The following LOXHD1 variants were observed in gnomAD, a reference collection of about 807,000 sequenced individuals.
LOXHD1 encodes lipoxygenase homology domain-containing protein 1.
LOXHD1 carries 205 observed loss-of-function variants against 248.2 expected under a neutral mutation model. The ratio of observed to expected loss-of-function variants is 0.83; its 90% CI spans 0.74 to 0.93. LOXHD1 has a LOEUF of 0.93. LOXHD1 is among the 40% of genes least tolerant of loss of function. The probability of loss-of-function intolerance (pLI) is 0.00; values close to 1 mark genes in which losing one functional copy is unlikely to be tolerated. For synonymous variants in LOXHD1, 1,113 were observed against 1,162.8 expected, an observed-to-expected ratio of 0.96 and a Z score of 0.87; for missense variants, 2,930 against 2,971.6, an observed-to-expected ratio of 0.99 and a Z score of 0.33.
chr18:46,620,924 C>G (rs7232709), intron 4 of LOXHD1, among the ~76,000 whole-genome samples: 44,363 of 151,994 alleles, frequency 0.29, 6,833 homozygotes, highest in East Asian at 0.54. Flanking sequence ...CATGCTCTGG[C>G]AAAGTCTGGA....
chr18:46,574,090 G>A (rs1165942472), intron 14 of LOXHD1, among the ~76,000 whole-genome samples: 1 of 152,230 alleles, frequency 6.6e-6, no homozygotes, highest in African/African-American at 2.4e-5. Flanking sequence ...GGGCAGTGAA[G>A]TGTGGAGAGT....
chr18:46,479,590 G>A (rs1020024518), intron 40 of LOXHD1, among the ~76,000 whole-genome samples: 1 of 152,004 alleles, frequency 6.6e-6, no homozygotes, highest in African/African-American at 2.4e-5. Flanking sequence ...GGCGAAGCTG[G>A]AGGTTTGGAC....
At chr18:46,562,232 C>G (rs1474610394) in intron 18 of LOXHD1, among the ~76,000 whole-genome samples, 1 of 152,218 alleles carries the variant, frequency 6.6e-6, no homozygotes, top group African/African-American at 2.4e-5. Context: ...ACTTATGACT[C>G]TGGCCCAGGT....
At chr18:46,568,747 T>G (rs2144076808) in intron 16 of LOXHD1, among the ~76,000 whole-genome samples, 1 of 152,302 alleles carries the variant, frequency 6.6e-6, no homozygotes, top group South Asian at 2.1e-4. Flanking sequence ...TCATCCTCCC[T>G]TTAAAGAGGT....
intron 38 of LOXHD1, among the ~76,000 whole-genome samples, chr18:46,485,766 A>C (rs2032997487): frequency 6.6e-6 from 1 of 152,172 alleles, no homozygotes; most frequent in Non-Finnish European, 1.5e-5. Context: ...AGAATGTGAT[A>C]GATAACCCTG....
intron 34 of LOXHD1, among the ~76,000 whole-genome samples, chr18:46,511,534 T>C (rs528747096): frequency 6.6e-6 from 1 of 152,294 alleles, no homozygotes; most frequent in East Asian, 1.9e-4. Context: ...AGGCTGTCCT[T>C]AGGGAGGGCC....
chr18:46,620,570 T>C (rs1196881569), intron 4 of LOXHD1, among the ~76,000 whole-genome samples: 1 of 152,182 alleles, frequency 6.6e-6, no homozygotes, highest in Non-Finnish European at 1.5e-5. Context: ...AAGGAAAGAT[T>C]TTGTAGTATC....
In LOXHD1 at chr18:46,657,181, G is replaced by T; in HGVS notation, c.-148C>A. The T allele has an allele frequency of 7.7e-7, 1 of 1,297,674 alleles. No homozygotes were observed. Among genetic ancestry groups the T allele is most frequent in the Non-Finnish European group, 1.0e-6 (1 of 953,566 alleles). The allele number at this position is 1,297,674 out of a possible 1,614,324, so 80.4% of individuals were successfully genotyped here. A position where few individuals can be genotyped will look rare whatever the true frequency, so the allele number is the denominator to read the frequency against. The stretch of plus-strand genomic sequence containing the variant: ...TGGGCCAGAGTGCCCCGTTTTCTTG[G>T]CTTCCCCGTGCCCAAGGTGCTGTTC... On this transcript the variant is annotated 5_prime_UTR_variant, in exon 1 of 41. Transcript: ENST00000642948.
At chr18:46,529,033 G>T in intron 29 of LOXHD1, 144 bp downstream of exon 29, 1 of 984,004 alleles carries the variant, frequency 1.0e-6, no homozygotes, top group Non-Finnish European at 1.5e-6. Flanking sequence ...ACTTGCAAGG[G>T]AAGGGCAAGG....
intron 34 of LOXHD1, among the ~76,000 whole-genome samples, chr18:46,514,139 G>A (rs1365435364): frequency 6.6e-6 from 1 of 152,182 alleles, no homozygotes; most frequent in African/African-American, 2.4e-5. Context: ...GTAGAACAAG[G>A]TCAAATCTTA....
intron 19 of LOXHD1, 35 bp downstream of exon 19, chr18:46,560,048 T>TGC: frequency 6.5e-6 from 8 of 1,226,294 alleles, no homozygotes; most frequent in South Asian, 2.9e-5. Context: ...GTCTGGCCAC[T>TGC]CCCTCCCCAC....
At chr18:46,636,526 C>T (rs1457690362) in intron 4 of LOXHD1, among the ~76,000 whole-genome samples, 1 of 152,210 alleles carries the variant, frequency 6.6e-6, no homozygotes, top group Non-Finnish European at 1.5e-5. Flanking sequence ...ACCTCCCTTC[C>T]CTGAAGAGCA....
chr18:46,522,632 T>C (rs1049997000), intron 31 of LOXHD1, among the ~76,000 whole-genome samples: 8 of 152,304 alleles, frequency 5.3e-5, no homozygotes, highest in Admixed American at 5.2e-4. Context: ...GTAAGAAAAA[T>C]AACCTCTCAC....
At chr18:46,509,598 G>A (rs2034819832) in intron 35 of LOXHD1, 100 bp downstream of exon 35, 1 of 850,014 alleles carries the variant, frequency 1.2e-6, no homozygotes, top group African/African-American at 1.7e-5. Flanking sequence ...ATCCTCTACA[G>A]TGACATTTGT....
chr18:46,521,373 C>A, intron 32 of LOXHD1, 91 bp from the exon 33 acceptor site: 1 of 1,424,238 alleles, frequency 7.0e-7, no homozygotes, highest in South Asian at 1.2e-5. Flanking sequence ...TGCTTCTTCC[C>A]AGTATGCTGT....
At position 46,515,972 on chromosome 18, in the gene LOXHD1, C is replaced by A. The variant is rs2035228367; in HGVS notation, c.5399+2157G>T. Among the ~76,000 whole-genome samples the A allele has an allele frequency of 2.0e-5, 3 of 152,196 alleles. No homozygotes were observed. The South Asian group carries it at 6.2e-4, about 32-fold the overall frequency. The stretch of plus-strand genomic sequence containing the variant: ...ACGTATGAAATCCCGATTCTGGCTA[C>A]CCTACCTCCAGCTTTACCACACCAA... On this transcript the variant is annotated intron_variant, in intron 34 of 40. Coordinates refer to ENST00000642948, the MANE Select transcript of LOXHD1 (RefSeq NM_001384474.1).
intron 4 of LOXHD1, among the ~76,000 whole-genome samples, chr18:46,628,449 C>A (rs2038775405): frequency 6.6e-6 from 1 of 152,172 alleles, no homozygotes; most frequent in Non-Finnish European, 1.5e-5. Flanking sequence ...CCAAGCAGCA[C>A]CCACAGCAAA....
intron 8 of LOXHD1, among the ~76,000 whole-genome samples, chr18:46,600,978 G>C (rs1437540634): frequency 6.6e-6 from 1 of 152,242 alleles, no homozygotes; most frequent in South Asian, 2.1e-4. Flanking sequence ...CCAACTGAGC[G>C]CCTCTGGGTA....
chr18:46,504,224 G>A (rs920217360), intron 37 of LOXHD1, among the ~76,000 whole-genome samples: 2 of 151,994 alleles, frequency 1.3e-5, no homozygotes, highest in Admixed American at 1.3e-4. Context: ...TCTCATCTCA[G>A]CCTCCTCAGT....
Sources: allele counts gnomAD v4.1 joint callset (sites outside exome capture counted in the v4.1 genomes callset), GRCh38; gene constraint gnomAD v4.1.1; transcripts MANE v1.5; gene names NCBI Gene and HGNC (gene_info 2026-07-23, HGNC 2026-07-21).